Variants in ABCB5 observed in about 807,000 individuals in gnomAD.
ABCB5 encodes the protein ATP binding cassette subfamily B member 5.
Under a neutral mutation model 144.2 loss-of-function variants are expected in ABCB5, and 155 were observed. The ratio of observed to expected loss-of-function variants is 1.08; its 90% CI spans 0.94 to 1.23. The LOEUF is 1.23. Among genes scored for constraint, ABCB5 ranks in the 50% most tolerant of loss-of-function variants. The pLI, the probability that ABCB5 is intolerant of heterozygous loss-of-function variation, is 0.00. For synonymous variants in ABCB5, 610 were observed against 528.6 expected (o/e 1.15, Z -2.11); for missense variants, 1,830 against 1,520.8 (o/e 1.20, Z -3.38).
chr7:20,686,843 T>C (rs998690155), intron 16 of ABCB5, among the ~76,000 whole-genome samples: 2 of 152,102 alleles, frequency 1.3e-5, no homozygotes, highest in African/African-American at 4.8e-5. Flanking sequence ...ATGCCCACTT[T>C]CCTTGGTCTC....
At chr7:20,657,784 C>T (rs1784858293) in intron 13 of ABCB5, among the ~76,000 whole-genome samples, 1 of 151,974 alleles carries the variant, frequency 6.6e-6, no homozygotes, top group African/African-American at 2.4e-5. Context: ...CTTCAAAAAG[C>T]CTGATTTTTT....
At chr7:20,731,369 A>AAAAATAT (rs57305244) in intron 23 of ABCB5, among the ~76,000 whole-genome samples, 3 of 123,104 alleles carry the variant, frequency 2.4e-5, no homozygotes, top group African/African-American at 9.9e-5. Context: ...AAAAAAAAAA[A>AAAAATAT]ATATATATAT....
intron 13 of ABCB5, among the ~76,000 whole-genome samples, chr7:20,654,629 C>T (rs1421513895): frequency 6.6e-6 from 1 of 152,010 alleles, no homozygotes; most frequent in Non-Finnish European, 1.5e-5. Flanking sequence ...GTAGCTCTTT[C>T]AAATAATAGA....
In ABCB5 at chr7:20,698,456, C is replaced by T. The variant is rs770235461; in HGVS notation, c.2060C>T (p.Pro687Leu). The T allele has an allele frequency of 1.3e-6, 2 of 1,594,944 alleles. No individual in the cohort carries two copies. The highest frequency in any genetic ancestry group is 1.7e-6 in the Non-Finnish European group (2 of 1,173,288). The change falls in exon 17 of 28, where the codon CCT (proline) becomes CTT (leucine). Residue 687 changes from proline (P) to leucine (L), a missense_variant. By Grantham distance (98) the Pro-to-Leu change is moderately conservative. Coordinates refer to ENST00000404938, the MANE Select transcript of ABCB5 (RefSeq NM_001163941.2). Reference protein sequence around the residue: ...SLLKILKLNKPEWPFVVLGTL... With the variant: ...SLLKILKLNKLEWPFVVLGTL... ...TTAAAAATTTTAAAGTTAAACAAGC[C>T]TGAATGGCCTTTTGTGGTTCTGGGG...
chr7:20,626,665 A>G, intron 3 of ABCB5, 54 bp downstream of exon 3: 1 of 1,435,156 alleles, frequency 7.0e-7, no homozygotes, highest in Non-Finnish European at 9.5e-7. Flanking sequence ...GAGACTTGTC[A>G]GTAGTGCATA....
chr7:20,730,471 T>C (rs1187227279), intron 23 of ABCB5, among the ~76,000 whole-genome samples: 2 of 152,154 alleles, frequency 1.3e-5, no homozygotes, highest in Admixed American at 6.5e-5. Flanking sequence ...ATCACACCAC[T>C]GCACTCTAGC....
chr7:20,709,967 C>A (rs1028508157), intron 20 of ABCB5, among the ~76,000 whole-genome samples: 2 of 147,572 alleles, frequency 1.4e-5, no homozygotes, highest in Admixed American at 1.4e-4. Context: ...CACAGCCACT[C>A]GGGAGGCTGA....
intron 14 of ABCB5, among the ~76,000 whole-genome samples, chr7:20,662,512 ATGTC>A (rs1487273438): frequency 1.3e-5 from 2 of 152,244 alleles, no homozygotes; most frequent in African/African-American, 4.8e-5. Context: ...CACATTTTGA[ATGTC>A]TGTGTCAATT....
At chr7:20,686,850 T>C (rs1337665363) in intron 16 of ABCB5, among the ~76,000 whole-genome samples, 2 of 152,092 alleles carry the variant, frequency 1.3e-5, no homozygotes, top group Non-Finnish European at 2.9e-5. Context: ...CTTTCCTTGG[T>C]CTCATCTGTC....
chr7:20,670,972 T>C (rs1785447401), intron 14 of ABCB5, among the ~76,000 whole-genome samples: 1 of 152,190 alleles, frequency 6.6e-6, no homozygotes, highest in Admixed American at 6.5e-5. Flanking sequence ...CACGTATCAG[T>C]CACTCATTAG....
At chr7:20,714,127 G>C (rs1386311005) in intron 20 of ABCB5, among the ~76,000 whole-genome samples, 1 of 151,928 alleles carries the variant, frequency 6.6e-6, no homozygotes, top group Admixed American at 6.6e-5. Context: ...TTTTTGTTTG[G>C]TTTTAGATGA....
chr7:20,689,644 C>A (rs987612780), intron 16 of ABCB5, among the ~76,000 whole-genome samples: 2 of 152,098 alleles, frequency 1.3e-5, no homozygotes, highest in African/African-American at 4.8e-5. Context: ...AGGCACCTGC[C>A]TCTGAAAAAC....
intron 26 of ABCB5, among the ~76,000 whole-genome samples, chr7:20,747,366 G>C (rs1028737988): frequency 6.6e-6 from 1 of 152,124 alleles, no homozygotes; most frequent in Non-Finnish European, 1.5e-5. Context: ...GACCTCCCAG[G>C]CTCACCTGAG....
chr7:20,638,583 C>A (rs1479643490), intron 5 of ABCB5, among the ~76,000 whole-genome samples: 1 of 152,198 alleles, frequency 6.6e-6, no homozygotes, highest in Non-Finnish European at 1.5e-5. Flanking sequence ...ATATTACTGA[C>A]ATTGTATATG....
chr7:20,632,747 A>G (rs552982266), intron 5 of ABCB5, among the ~76,000 whole-genome samples: 1 of 152,200 alleles, frequency 6.6e-6, no homozygotes, highest in Non-Finnish European at 1.5e-5. Flanking sequence ...CATTCTCAGT[A>G]AACTATCGCA....
At chr7:20,676,700 T>G (rs894091500) in intron 14 of ABCB5, among the ~76,000 whole-genome samples, 1 of 152,178 alleles carries the variant, frequency 6.6e-6, no homozygotes, top group Non-Finnish European at 1.5e-5. Flanking sequence ...GTTGGCAATA[T>G]TGTATTGTAT....
chr7:20,685,859 G>C, intron 16 of ABCB5, 23 bp downstream of exon 16: 1 of 1,559,138 alleles, frequency 6.4e-7, no homozygotes, highest in Non-Finnish European at 8.6e-7. Flanking sequence ...CGATCAACCA[G>C]TTTTTCCTGC....
At chr7:20,683,354 A>T (rs1785887606) in intron 15 of ABCB5, among the ~76,000 whole-genome samples, 1 of 152,174 alleles carries the variant, frequency 6.6e-6, no homozygotes, top group African/African-American at 2.4e-5. Context: ...TGATAATCGA[A>T]TTTTTATTCC....
At chr7:20,632,237 C>G in intron 5 of ABCB5, 124 bp downstream of exon 5, 1 of 589,640 alleles carries the variant, frequency 1.7e-6, no homozygotes. Context: ...TTAAAGCAAA[C>G]ATTTCCTCTT....
Sources: allele counts gnomAD v4.1 joint callset (sites outside exome capture counted in the v4.1 genomes callset), GRCh38; gene constraint gnomAD v4.1.1; transcripts MANE v1.5; gene names NCBI Gene and HGNC (gene_info 2026-07-23, HGNC 2026-07-21).